Variants in ZDHHC14 observed in about 807,000 individuals in gnomAD.
ZDHHC14 encodes palmitoyltransferase ZDHHC14.
A neutral mutation model predicts 47.7 loss-of-function variants in ZDHHC14; 16 were observed. The ratio of observed to expected loss-of-function variants is 0.34; its 90% CI spans 0.23 to 0.51. The LOEUF (loss-of-function observed/expected upper bound fraction) is 0.51, where lower values mean the gene tolerates loss of function less well. ZDHHC14 is among the 20% of genes least tolerant of loss of function. The probability of loss-of-function intolerance (pLI) is 0.97; values close to 1 mark genes in which losing one functional copy is unlikely to be tolerated. For missense variants in ZDHHC14, 515 were observed against 662.5 expected (o/e 0.78, Z 2.44); for synonymous variants, 293 against 278.9 (o/e 1.05, Z -0.50).
Position 157,582,108 on chromosome 6 carries a change from G to T in ZDHHC14, c.407-10880G>T, listed in dbSNP as rs1783541331. On this transcript the variant is annotated intron_variant, in intron 2 of 8. Coordinates refer to ENST00000359775, the MANE Select transcript of ZDHHC14 (RefSeq NM_024630.3). The surrounding 1 kb of genome is among the most constrained non-coding windows in gnomAD (Gnocchi z 4.3). ...TTTGGGCTTTCTCCATGTTGGCCAG[G>T]CTGGTCTCAAACTCCTGGCCTCAAG... 6.6e-6 allele frequency among the ~76,000 whole-genome samples: 1 copy of T among 152,170 alleles called. No individual in the cohort carries two copies. Among genetic ancestry groups the T allele is most frequent in the African/African-American group, 2.4e-5 (1 of 41,432 alleles).
chr6:157,517,196 A>G (rs1562457742), intron 1 of ZDHHC14, among the ~76,000 whole-genome samples: 1 of 152,252 alleles, frequency 6.6e-6, no homozygotes, highest in East Asian at 1.9e-4. Context: ...ATTTGTGAGG[A>G]CCAACAGTTC....
At chr6:157,423,255 T>C (rs138141079) in intron 1 of ZDHHC14, among the ~76,000 whole-genome samples, 262 of 152,350 alleles carry the variant, frequency 1.7e-3, no homozygotes, top group African/African-American at 6.0e-3. Flanking sequence ...ACTGGCCGGA[T>C]AGTCACAGCT....
Position 157,673,004 on chromosome 6 carries a change from T to A in ZDHHC14, c.1349T>A (p.Leu450Gln), listed in dbSNP as rs1778878178. ...TPDEAPSPPR[L>Q]LAAGSPLAHS... The stretch of plus-strand genomic sequence containing the variant: ...GATGAGGCGCCCTCGCCCCCCAGGC[T>A]ACTGGCGGCGGGCAGCCCCCTGGCG... The change falls in exon 9 of 9, where the codon CTA (leucine) becomes CAA (glutamine). Residue 450 changes from leucine (L) to glutamine (Q), a missense_variant. Leu to Gln is a moderately radical substitution (Grantham distance 113). Transcript: ENST00000359775. This position sits in a 1 kb window ranked among gnomAD's most constrained non-coding sequence, Gnocchi z 5.4. 2 of 1,578,284 alleles carry A rather than the reference T, an allele frequency of 1.3e-6. No homozygotes were observed. The highest frequency in any genetic ancestry group is 1.7e-6 in the Non-Finnish European group (2 of 1,167,184).
chr6:157,461,789 A>C (rs1419609640), intron 1 of ZDHHC14, among the ~76,000 whole-genome samples: 1 of 152,172 alleles, frequency 6.6e-6, no homozygotes, highest in Non-Finnish European at 1.5e-5. Flanking sequence ...CAGTTCCTGC[A>C]CTTCCCATCC....
chr6:157,511,644 T>C (rs1251989301), intron 1 of ZDHHC14, among the ~76,000 whole-genome samples: 1 of 150,546 alleles, frequency 6.6e-6, no homozygotes, highest in Non-Finnish European at 1.5e-5. Flanking sequence ...TCCACCCACC[T>C]CGGCCTACCA....
In ZDHHC14 at chr6:157,476,782, T is replaced by A. The variant is rs568179236; in HGVS notation, c.246-65803T>A. ...AAGTCAATAAATATAATACACCACA[T>A]TAACAGAATAAAGGACAAAAATCAT... is the stretch of plus-strand genomic sequence containing the variant. On this transcript the variant is annotated intron_variant, in intron 1 of 8. Coordinates refer to ENST00000359775, the MANE Select transcript of ZDHHC14 (RefSeq NM_024630.3). Among the ~76,000 whole-genome samples the A allele has an allele frequency of 2.6e-5, 4 of 152,270 alleles. No homozygotes were observed. In the East Asian group the frequency reaches 7.7e-4, roughly 29 times the overall value.
At chr6:157,482,897 C>G (rs143330035) in intron 1 of ZDHHC14, among the ~76,000 whole-genome samples, 69 of 152,230 alleles carry the variant, frequency 4.5e-4, no homozygotes, top group Non-Finnish European at 8.5e-4. Flanking sequence ...CATGCTCCAC[C>G]AAGCCTGGCT....
At chr6:157,590,203 G>A (rs1041216493) in intron 2 of ZDHHC14, among the ~76,000 whole-genome samples, 3 of 152,182 alleles carry the variant, frequency 2.0e-5, no homozygotes, top group African/African-American at 7.2e-5. Flanking sequence ...CCCATTTTCT[G>A]GGGAGAAATT....
intron 1 of ZDHHC14, among the ~76,000 whole-genome samples, chr6:157,448,142 G>A (rs1169953902): frequency 2.0e-5 from 3 of 152,144 alleles, no homozygotes; most frequent in African/African-American, 7.2e-5. Flanking sequence ...GCCTCCCAAA[G>A]GTTGGGATTA....
intron 2 of ZDHHC14, among the ~76,000 whole-genome samples, chr6:157,585,214 T>A (rs570147061): frequency 5.3e-5 from 8 of 151,880 alleles, no homozygotes; most frequent in South Asian, 2.1e-4. Flanking sequence ...TCTCAAAAAA[T>A]AAATAAATAA....
chr6:157,561,258 G>A lies in ZDHHC14; in HGVS notation c.406+18513G>A, dbSNP rs557385992. On this transcript the variant is annotated intron_variant, in intron 2 of 8. Coordinates refer to ENST00000359775, the MANE Select transcript of ZDHHC14 (RefSeq NM_024630.3). ...ATGCCTTGCTGGGGTCAGGGCCAGG[G>A]ACAAAGCTCAGAGGCCATGCTGAGT... Among the ~76,000 whole-genome samples, 9 of 152,264 alleles carry A rather than the reference G, an allele frequency of 5.9e-5. No individual in the cohort carries two copies. The East Asian group carries it at 9.7e-4, about 16-fold the overall frequency.
intron 1 of ZDHHC14, among the ~76,000 whole-genome samples, chr6:157,480,562 C>T (rs986058811): frequency 1.7e-4 from 26 of 152,212 alleles, no homozygotes; most frequent in Non-Finnish European, 3.4e-4. Flanking sequence ...TCACTGTGCC[C>T]GGCCTAGGCC....
chr6:157,625,236 A>G (rs978948681), intron 3 of ZDHHC14, among the ~76,000 whole-genome samples: 1 of 152,102 alleles, frequency 6.6e-6, no homozygotes, highest in Non-Finnish European at 1.5e-5. Flanking sequence ...GGACTTGCTC[A>G]TGGTTTGGAT....
chr6:157,502,950 C>CT lies in ZDHHC14; in HGVS notation c.246-39635_246-39634insT, dbSNP rs1459182472. Among the ~76,000 whole-genome samples, 7 of 152,176 alleles carry CT rather than the reference C, an allele frequency of 4.6e-5. No individual in the cohort carries two copies. Among genetic ancestry groups the CT allele is most frequent in the Admixed American group, 2.0e-4 (3 of 15,284 alleles). On this transcript the variant is annotated intron_variant, in intron 1 of 8. Coordinates refer to ENST00000359775, the MANE Select transcript of ZDHHC14 (RefSeq NM_024630.3). This position sits in a 1 kb window ranked among gnomAD's most constrained non-coding sequence, Gnocchi z 4.0. ...AAGTGATCAACTTGCCTTGGCTTCC[C>CT]AAAGTATTGGAATTACAGGCATGAG...
intron 8 of ZDHHC14, 63 bp downstream of exon 8, chr6:157,653,690 G>A: frequency 6.5e-7 from 1 of 1,532,408 alleles, no homozygotes; most frequent in Non-Finnish European, 8.9e-7. Context: ...TCACTAACAG[G>A]CCACCAAGCA....
intron 1 of ZDHHC14, among the ~76,000 whole-genome samples, chr6:157,512,436 C>T (rs1437933535): frequency 1.3e-5 from 2 of 152,262 alleles, no homozygotes; most frequent in African/African-American, 4.8e-5. Flanking sequence ...CCTTCAAAGA[C>T]AGAGCCACGT....
chr6:157,605,406 A>G (rs1479235203), intron 3 of ZDHHC14, among the ~76,000 whole-genome samples: 1 of 152,186 alleles, frequency 6.6e-6, no homozygotes, highest in Non-Finnish European at 1.5e-5. Context: ...AACTATTTGT[A>G]CTAAGAGAGC....
chr6:157,529,641 C>T (rs935371240), intron 1 of ZDHHC14, among the ~76,000 whole-genome samples: 2 of 152,232 alleles, frequency 1.3e-5, no homozygotes, highest in South Asian at 4.1e-4. Context: ...CCAGACTGGA[C>T]AAGGCACCTT....
In ZDHHC14 at chr6:157,432,084, A is replaced by G. The variant is rs536375659; in HGVS notation, c.245+49818A>G. ...ATTTTTTACTCTTGGACCTTTAGAA[A>G]TGCTCAGCCAGTAACAATCTACTGA... On this transcript the variant is annotated intron_variant, in intron 1 of 8. Transcript: ENST00000359775. 2.4e-4 allele frequency among the ~76,000 whole-genome samples: 37 copies of G among 152,234 alleles called. No homozygotes were observed. In the East Asian group the frequency reaches 3.5e-3, roughly 14 times the overall value.
Sources: allele counts gnomAD v4.1 joint callset (sites outside exome capture counted in the v4.1 genomes callset), GRCh38; gene constraint gnomAD v4.1.1; non-coding constraint Gnocchi (gnomAD v3.1); transcripts MANE v1.5; gene names NCBI Gene and HGNC (gene_info 2026-07-23, HGNC 2026-07-21).